Variants in LRRC8B observed in about 807,000 individuals in gnomAD.
LRRC8B encodes the protein leucine rich repeat containing 8 VRAC subunit B.
A neutral mutation model predicts 58.8 loss-of-function variants in LRRC8B; 23 were observed. That is an observed-to-expected ratio of 0.39 (90% CI 0.28 to 0.55). The LOEUF (loss-of-function observed/expected upper bound fraction) is 0.55, where lower values mean the gene tolerates loss of function less well. Among genes scored for constraint, LRRC8B ranks in the 20% least tolerant of loss-of-function variants. The pLI, the probability that LRRC8B is intolerant of heterozygous loss-of-function variation, is 0.62. For missense variants in LRRC8B, 694 were observed against 936.0 expected, an observed-to-expected ratio of 0.74 and a Z score of 3.37; for synonymous variants, 359 against 374.1, an observed-to-expected ratio of 0.96 and a Z score of 0.47.
At chr1:89,539,784 G>A (rs912377478) in intron 1 of LRRC8B, among the ~76,000 whole-genome samples, 2 of 152,050 alleles carry the variant, frequency 1.3e-5, no homozygotes, top group Admixed American at 1.3e-4. Context: ...CCACTTCAAG[G>A]TACTTAGCCT....
Position 89,593,104 on chromosome 1 carries a change from G to T in LRRC8B, c.*61G>T. 1 of 1,542,256 alleles carries T rather than the reference G, an allele frequency of 6.5e-7. No homozygotes were observed. The highest frequency in any genetic ancestry group is 8.9e-7 in the Non-Finnish European group (1 of 1,128,322). On this transcript the variant is annotated 3_prime_UTR_variant, in exon 6 of 6. Transcript: ENST00000330947. The stretch of plus-strand genomic sequence containing the variant: ...TTAAAAGTATGCTCGGCCGGGCGTG[G>T]TGGCTCATGCCTATAATCCCAGCAC...
chr1:89,582,876 A>C lies in LRRC8B; in HGVS notation c.226A>C (p.Ser76Arg), dbSNP rs766369240. 6.2e-7 allele frequency: 1 copy of C among 1,614,222 alleles called. No homozygotes were observed. Among genetic ancestry groups the C allele is most frequent in the Non-Finnish European group, 8.5e-7 (1 of 1,180,036 alleles). Residue 76 changes from serine (S) to arginine (R), a missense_variant, in exon 5 of 6, where the codon AGC becomes CGC. This residue lies in a region of LRRC8B where 316 missense variants were observed against 403.8 expected (regional missense o/e 0.78). Transcript: ENST00000330947. ...CAVPWDILKA[S>R]MNTSSNPGTP... ...CGTGCCTTGGGACATCCTGAAAGCCAGCATGAACACATCCTCTAATCCTGG... is the reference window on the plus strand; with the variant it reads ...CGTGCCTTGGGACATCCTGAAAGCCCGCATGAACACATCCTCTAATCCTGG...
At chr1:89,533,520 T>C (rs1330315366) in intron 1 of LRRC8B, among the ~76,000 whole-genome samples, 1 of 152,176 alleles carries the variant, frequency 6.6e-6, no homozygotes, top group Non-Finnish European at 1.5e-5. Flanking sequence ...GAACCATCTT[T>C]CTAGGCTCCA....
chr1:89,570,616 C>G (rs1199330571), intron 3 of LRRC8B, among the ~76,000 whole-genome samples: 1 of 152,054 alleles, frequency 6.6e-6, no homozygotes, highest in African/African-American at 2.4e-5. Flanking sequence ...GATATTAGAC[C>G]TTAGTCAGAT....
At chr1:89,529,233 T>G (rs1649927796) in intron 1 of LRRC8B, among the ~76,000 whole-genome samples, 1 of 152,214 alleles carries the variant, frequency 6.6e-6, no homozygotes, top group Non-Finnish European at 1.5e-5. Flanking sequence ...CCTTTAATTG[T>G]CTAGTTTCCC....
At chr1:89,585,977 G>A (rs1442251211) in intron 5 of LRRC8B, among the ~76,000 whole-genome samples, 1 of 152,026 alleles carries the variant, frequency 6.6e-6, no homozygotes, top group Non-Finnish European at 1.5e-5. Context: ...GAAAATTGGG[G>A]GATGAGAGCA....
chr1:89,537,041 A>G (rs1466299303), intron 1 of LRRC8B, among the ~76,000 whole-genome samples: 1 of 152,194 alleles, frequency 6.6e-6, no homozygotes, highest in African/African-American at 2.4e-5. Context: ...TAAGATTGAG[A>G]AAGGCAAAGT....
intron 1 of LRRC8B, among the ~76,000 whole-genome samples, chr1:89,549,202 CAA>C (rs1340560149): frequency 6.6e-6 from 1 of 152,116 alleles, no homozygotes; most frequent in East Asian, 1.9e-4. Context: ...GTAGGAAAAA[CAA>C]AACCAGAGCA....
chr1:89,581,975 T>G (rs1023836380), intron 4 of LRRC8B, among the ~76,000 whole-genome samples: 13 of 152,150 alleles, frequency 8.5e-5, no homozygotes, highest in Non-Finnish European at 1.5e-4. Context: ...AAAGCAGAGC[T>G]TGCTTAAAAG....
At chr1:89,563,521 G>A (rs531594833) in intron 1 of LRRC8B, among the ~76,000 whole-genome samples, 4 of 152,064 alleles carry the variant, frequency 2.6e-5, no homozygotes, top group Non-Finnish European at 4.4e-5. Flanking sequence ...TTCTTTTCAC[G>A]ACACTTTCTA....
rs1165834217 is a variant in LRRC8B, at chr1:89,538,094, T to C, written c.-241+13072T>C. Among the ~76,000 whole-genome samples the C allele has an allele frequency of 2.6e-5, 4 of 152,292 alleles. No individual in the cohort carries two copies. In the East Asian group the frequency reaches 5.8e-4, roughly 22 times the overall value. ...TTGTCCTGTTTACTCTGAAAGAAAC[T>C]TCACTCTGAAAGAGCATGGTTAGAA... On this transcript the variant is annotated intron_variant, in intron 1 of 5. Coordinates refer to ENST00000330947, the MANE Select transcript of LRRC8B (RefSeq NM_001369817.2).
At chr1:89,549,845 G>A (rs1009250426) in intron 1 of LRRC8B, 1 of 152,062 alleles carries the variant, frequency 6.6e-6, no homozygotes, top group Admixed American at 6.6e-5. Flanking sequence ...AGGTCTTTAA[G>A]TCCAACATTG....
At chr1:89,541,699 A>G (rs1650995652) in intron 1 of LRRC8B, among the ~76,000 whole-genome samples, 1 of 110,542 alleles carries the variant, frequency 9.0e-6, no homozygotes, top group Non-Finnish European at 1.7e-5. Flanking sequence ...CGACAGAGGG[A>G]GACTCCGTCT....
At chr1:89,566,644 G>A (rs914393494) in intron 1 of LRRC8B, among the ~76,000 whole-genome samples, 1 of 152,148 alleles carries the variant, frequency 6.6e-6, no homozygotes, top group Non-Finnish European at 1.5e-5. Context: ...GGAAAACCAG[G>A]CTCAAATTCC....
intron 1 of LRRC8B, among the ~76,000 whole-genome samples, chr1:89,551,762 T>C (rs1651834225): frequency 6.6e-6 from 1 of 152,106 alleles, no homozygotes; most frequent in South Asian, 2.1e-4. Flanking sequence ...CTCAATACTT[T>C]TGGTGCGTCC....
At chr1:89,580,363 C>T (rs6680212) in intron 4 of LRRC8B, among the ~76,000 whole-genome samples, 61,465 of 152,022 alleles carry the variant, frequency 0.4, 13,750 homozygotes, top group South Asian at 0.55. Context: ...TCTGGGTTTA[C>T]CTATTAATAT....
At chr1:89,572,681 T>C (rs941121373) in intron 3 of LRRC8B, 16 of 150,694 alleles carry the variant, frequency 1.1e-4, no homozygotes, top group Non-Finnish European at 1.6e-4. Context: ...GCTTGCTTAC[T>C]GTGGTGTTGG....
rs1557619892 is a variant in LRRC8B at position 89,582,638 on chromosome 1, A to G, written c.-13A>G. The G allele has an allele frequency of 3.1e-6, 5 of 1,594,530 alleles. No individual in the cohort carries two copies. Among genetic ancestry groups the G allele is most frequent in the Middle Eastern group, 1.8e-4 (1 of 5,706 alleles). On this transcript the variant is annotated 5_prime_UTR_variant, in exon 5 of 6. Coordinates refer to ENST00000330947, the MANE Select transcript of LRRC8B (RefSeq NM_001369817.2). ...TCCCTCTTCCAGTTTCTGTCCTCCT[A>G]CAAGGGAAAGTCATGATTACACTAA...
At chr1:89,528,744 T>G (rs1378015469) in intron 1 of LRRC8B, among the ~76,000 whole-genome samples, 1 of 152,208 alleles carries the variant, frequency 6.6e-6, no homozygotes, top group Non-Finnish European at 1.5e-5. Flanking sequence ...ATATATAAGA[T>G]GAGGCCCTCA....
Sources: gnomAD v4.1 joint callset for allele counts (sites outside exome capture counted in the v4.1 genomes callset) on GRCh38, gnomAD v4.1.1 for gene constraint, gnomAD v4.1.1 regional missense constraint, MANE v1.5 for transcripts, NCBI Gene and HGNC (gene_info 2026-07-23, HGNC 2026-07-21) for gene names.